MCU: variants seen among roughly 807,000 people sequenced by gnomAD.
MCU encodes mitochondrial calcium uniporter.
In MCU, 12 loss-of-function variants were observed where a neutral mutation model predicts 45.2. The observed-to-expected ratio is 0.27, with a 90% CI of 0.17 to 0.43. MCU has a LOEUF of 0.43. MCU is among the 20% of genes least tolerant of loss of function. The probability of loss-of-function intolerance (pLI) is 1.00; values close to 1 mark genes in which losing one functional copy is unlikely to be tolerated. For synonymous variants in MCU, 160 were observed against 165.1 expected, an observed-to-expected ratio of 0.97 and a Z score of 0.24; for missense variants, 324 against 436.7, an observed-to-expected ratio of 0.74 and a Z score of 2.30.
At chr10:72,885,001 A>C (rs1440543779) in intron 7 of MCU, among the ~76,000 whole-genome samples, 2 of 152,160 alleles carry the variant, frequency 1.3e-5, no homozygotes, top group Non-Finnish European at 2.9e-5. Context: ...ATTTTTCAGC[A>C]ATCTCTAGAA....
chr10:72,869,295 C>G (rs1183032089), intron 5 of MCU, among the ~76,000 whole-genome samples: 1 of 152,146 alleles, frequency 6.6e-6, no homozygotes, highest in Non-Finnish European at 1.5e-5. Context: ...AACAATAAAA[C>G]ATAACAAGGC....
At chr10:72,736,201 A>G (rs1843250488) in intron 1 of MCU, among the ~76,000 whole-genome samples, 1 of 151,638 alleles carries the variant, frequency 6.6e-6, no homozygotes. Flanking sequence ...TTTTTTTGCC[A>G]TTGGAAGACT....
intron 1 of MCU, among the ~76,000 whole-genome samples, chr10:72,820,134 T>C (rs888938124): frequency 6.6e-6 from 1 of 152,212 alleles, no homozygotes; most frequent in African/African-American, 2.4e-5. Flanking sequence ...CATTTCTGCC[T>C]CAAAGAATAT....
At chr10:72,787,828 C>T (rs1482019884) in intron 1 of MCU, among the ~76,000 whole-genome samples, 2 of 151,866 alleles carry the variant, frequency 1.3e-5, no homozygotes, top group African/African-American at 2.4e-5. Flanking sequence ...AAGCGATTCT[C>T]CTGCCTCAGC....
intron 1 of MCU, among the ~76,000 whole-genome samples, chr10:72,805,970 G>A (rs965720353): frequency 6.6e-6 from 1 of 152,134 alleles, no homozygotes; most frequent in African/African-American, 2.4e-5. Flanking sequence ...AGGCATTAAA[G>A]GGATGAAGGA....
rs1484622392 is a variant in MCU at position 72,693,210 on chromosome 10, GAGAC to G, written c.150+913_150+916del. Reference sequence around the variant, plus strand: ...TGTGTGTGTGTGTGTGAGAGAGAGAGAGACAGAGTGTGAGAGAGATTTCTTTTTT... The same window carrying G: ...TGTGTGTGTGTGTGTGAGAGAGAGAGAGAGTGTGAGAGAGATTTCTTTTTT... On this transcript the variant is annotated intron_variant, in intron 1 of 7. Transcript: ENST00000373053. The G allele has an allele frequency of 1.3e-5, 11 of 873,056 alleles. No homozygotes were observed. In the East Asian group the frequency reaches 1.9e-4, roughly 15 times the overall value. The allele number at this position is 873,056 out of a possible 1,614,324, so 54.1% of individuals were successfully genotyped here. A position where few individuals can be genotyped will look rare whatever the true frequency, so the allele number is the denominator to read the frequency against.
rs117718078 is a variant in MCU at position 72,845,745 on chromosome 10, C to T, written c.220+11317C>T. Among the ~76,000 whole-genome samples, 1,152 of 152,144 alleles carry T rather than the reference C, an allele frequency of 7.6e-3. 5 individuals are homozygous for T. Among genetic ancestry groups the T allele is most frequent in the Non-Finnish European group, 0.011 (718 of 68,006 alleles). On this transcript the variant is annotated intron_variant, in intron 2 of 7. Transcript: ENST00000373053. ...TGCATTTCTCAGAATGTATCCCTGT[C>T]GTTAAGCAATGTATTCATAGAATGA...
At chr10:72,814,346 T>C (rs1844592545) in intron 1 of MCU, among the ~76,000 whole-genome samples, 1 of 152,242 alleles carries the variant, frequency 6.6e-6, no homozygotes, top group Non-Finnish European at 1.5e-5. Context: ...AGGCTTCTTC[T>C]GAGCAATTCT....
Position 72,867,964 on chromosome 10 carries a change from A to G in MCU, c.497-739A>G, listed in dbSNP as rs1030361073. Among the ~76,000 whole-genome samples, 5 of 151,686 alleles carry G rather than the reference A, an allele frequency of 3.3e-5. No individual in the cohort carries two copies. In the East Asian group the frequency reaches 9.7e-4, roughly 29 times the overall value. ...TTTCCCTTAGCACTTACTAAGGGGG[A>G]AAAAAATGAATTAAAATGGCAGGAC... is the stretch of plus-strand genomic sequence containing the variant. On this transcript the variant is annotated intron_variant, in intron 4 of 7. Transcript: ENST00000373053.
At chr10:72,711,572 C>T (rs1398714193) in intron 1 of MCU, among the ~76,000 whole-genome samples, 2 of 150,008 alleles carry the variant, frequency 1.3e-5, no homozygotes, top group Non-Finnish European at 3.0e-5. Flanking sequence ...TAGGCCAGCA[C>T]AGTGGCTCAT....
intron 2 of MCU, among the ~76,000 whole-genome samples, chr10:72,851,989 G>A (rs1845213692): frequency 6.6e-6 from 1 of 152,040 alleles, no homozygotes; most frequent in South Asian, 2.1e-4. Context: ...TATAATTTTT[G>A]CAAAGACAGC....
At position 72,832,932 on chromosome 10, in the gene MCU, CTA is replaced by C. The variant is rs1233046108; in HGVS notation, c.151-1425_151-1424del. ...TGATACTGTTTTTTGAAACCAATAG[CTA>C]TGTGTGTGTGTGTGTGTGTGTGTGT... On this transcript the variant is annotated intron_variant, in intron 1 of 7. Coordinates refer to ENST00000373053, the MANE Select transcript of MCU (RefSeq NM_138357.3). Among the ~76,000 whole-genome samples the C allele has an allele frequency of 2.6e-4, 15 of 57,228 alleles. No homozygotes were observed. In the South Asian group the frequency reaches 5.6e-3, roughly 21 times the overall value. The allele number at this position is 57,228 out of a possible 152,430, so 37.5% of individuals were successfully genotyped here.
At chr10:72,725,033 T>A (rs1025446541) in intron 1 of MCU, among the ~76,000 whole-genome samples, 3 of 152,194 alleles carry the variant, frequency 2.0e-5, no homozygotes, top group African/African-American at 7.2e-5. Flanking sequence ...AAGCATGGCT[T>A]ACTCTCCTGA....
chr10:72,698,525 C>T (rs1662389362), intron 1 of MCU, among the ~76,000 whole-genome samples: 1 of 152,178 alleles, frequency 6.6e-6, no homozygotes, highest in Admixed American at 6.6e-5. Context: ...CTGATAGCCT[C>T]ACAGAGTCTT....
At chr10:72,762,743 G>A (rs767766737) in intron 1 of MCU, among the ~76,000 whole-genome samples, 22 of 152,068 alleles carry the variant, frequency 1.4e-4, no homozygotes, top group Admixed American at 6.6e-4. Context: ...CTTCGATATT[G>A]TTAAGGTTTA....
intron 2 of MCU, among the ~76,000 whole-genome samples, chr10:72,853,101 A>T (rs1336189789): frequency 1.3e-5 from 2 of 152,238 alleles, no homozygotes; most frequent in African/African-American, 4.8e-5. Context: ...ATGTAAAATT[A>T]AAAATTTCTA....
At chr10:72,742,963 G>A (rs889321689) in intron 1 of MCU, among the ~76,000 whole-genome samples, 2 of 151,984 alleles carry the variant, frequency 1.3e-5, no homozygotes, top group East Asian at 1.9e-4. Flanking sequence ...TTTTGGTATC[G>A]AATGGACATG....
At chr10:72,838,156 C>T (rs753162947) in intron 2 of MCU, among the ~76,000 whole-genome samples, 8 of 152,146 alleles carry the variant, frequency 5.3e-5, no homozygotes, top group African/African-American at 1.7e-4. Flanking sequence ...CCACCGCGCC[C>T]GGCTGCCAAA....
chr10:72,807,326 C>T (rs1490728881), intron 1 of MCU, among the ~76,000 whole-genome samples: 2 of 151,620 alleles, frequency 1.3e-5, no homozygotes, highest in Non-Finnish European at 2.9e-5. Flanking sequence ...CTAAAGATAA[C>T]ATTTTAATGG....
Sources: gnomAD v4.1 joint callset for allele counts (sites outside exome capture counted in the v4.1 genomes callset) on GRCh38, gnomAD v4.1.1 for gene constraint, MANE v1.5 for transcripts, NCBI Gene and HGNC (gene_info 2026-07-23, HGNC 2026-07-21) for gene names.